The following NAV2 variants were observed in gnomAD, a reference collection of about 807,000 sequenced individuals.
The protein encoded by NAV2 is helicase, APC down-regulated 1.
In NAV2, 54 loss-of-function variants were observed where a neutral mutation model predicts 223.2. The ratio of observed to expected loss-of-function variants is 0.24; its 90% CI spans 0.19 to 0.30. The LOEUF (loss-of-function observed/expected upper bound fraction) is 0.30, where lower values mean the gene tolerates loss of function less well. Ranked by LOEUF, NAV2 falls within the 10% of genes least tolerant of loss-of-function variation. The probability of loss-of-function intolerance (pLI) is 1.00; values close to 1 mark genes in which losing one functional copy is unlikely to be tolerated. For missense variants in NAV2, 2,806 were observed against 3,147.5 expected (o/e 0.89, Z 2.60); for synonymous variants, 1,279 against 1,239.3 (o/e 1.03, Z -0.67).
At chr11:20,017,319 C>G (rs990398710) in intron 11 of NAV2, among the ~76,000 whole-genome samples, 3 of 152,210 alleles carry the variant, frequency 2.0e-5, no homozygotes, top group African/African-American at 7.2e-5. Flanking sequence ...GCCTCTCCCT[C>G]TGGTCTCTGC....
At chr11:19,985,559 G>GT (rs57206192) in intron 11 of NAV2, among the ~76,000 whole-genome samples, 4,776 of 125,544 alleles carry the variant, frequency 0.038, 232 homozygotes, top group African/African-American at 0.11. Context: ...AGTTTTTTTT[G>GT]TTTTTTTGTT....
At chr11:19,644,265 T>C (rs1396534762) in intron 1 of NAV2, among the ~76,000 whole-genome samples, 1 of 152,246 alleles carries the variant, frequency 6.6e-6, no homozygotes, top group African/African-American at 2.4e-5. Flanking sequence ...TCCACTTTGA[T>C]GCCCAACCCC....
At chr11:19,371,307 C>G (rs1848461337) in intron 1 of NAV2, among the ~76,000 whole-genome samples, 1 of 152,134 alleles carries the variant, frequency 6.6e-6, no homozygotes, top group African/African-American at 2.4e-5. Flanking sequence ...AGCCAGCACT[C>G]AAATCCTTAC....
At chr11:19,700,585 C>CAG (rs1392563915) in intron 1 of NAV2, among the ~76,000 whole-genome samples, 1 of 152,206 alleles carries the variant, frequency 6.6e-6, no homozygotes, top group East Asian at 1.9e-4. Context: ...TTACTCTACA[C>CAG]AGAGAAGTGT....
At chr11:19,590,078 A>G (rs2046015257) in intron 1 of NAV2, among the ~76,000 whole-genome samples, 1 of 152,174 alleles carries the variant, frequency 6.6e-6, no homozygotes, top group Non-Finnish European at 1.5e-5. Flanking sequence ...GTGATCTGCG[A>G]GCATTGGTCA....
chr11:20,044,422 T>A, intron 13 of NAV2, 150 bp downstream of exon 13: 3 of 709,338 alleles, frequency 4.2e-6, no homozygotes, highest in Non-Finnish European at 6.8e-6. Context: ...CATCCCTACC[T>A]TTTTCTAAGT....
At chr11:19,632,486 C>G (rs1044579622) in intron 1 of NAV2, among the ~76,000 whole-genome samples, 1 of 152,092 alleles carries the variant, frequency 6.6e-6, no homozygotes, top group Non-Finnish European at 1.5e-5. Flanking sequence ...GATTATTCAA[C>G]GAGCTTTTAT....
At chr11:19,669,752 T>G (rs1008299387) in intron 1 of NAV2, among the ~76,000 whole-genome samples, 1 of 152,138 alleles carries the variant, frequency 6.6e-6, no homozygotes, top group African/African-American at 2.4e-5. Flanking sequence ...CCTTTCCTCT[T>G]AGTAAATTCC....
rs113677958 is a variant in NAV2, at chr11:19,956,365, T to TACAC, written c.2645+7312_2645+7315dup. Among the ~76,000 whole-genome samples, 261 of 103,866 alleles carry TACAC rather than the reference T, an allele frequency of 2.5e-3. 7 individuals are homozygous for TACAC. In the South Asian group the frequency reaches 0.04, roughly 16 times the overall value. 68.1% of individuals were successfully genotyped at this position (103,866 alleles called of 152,430 possible). The stretch of plus-strand genomic sequence containing the variant: ...AAGATTACCACACCCCCGACACACA[T>TACAC]ACACACACACACACACACACACACA... On this transcript the variant is annotated intron_variant, in intron 10 of 37. Coordinates refer to ENST00000349880, the MANE Select transcript of NAV2 (RefSeq NM_145117.5).
chr11:20,044,107 CCTT>C lies in NAV2; in HGVS notation c.3037_3039del (p.Ser1013del). 1 of 1,614,200 alleles carries C rather than the reference CCTT, an allele frequency of 6.2e-7. No individual in the cohort carries two copies. Among genetic ancestry groups the C allele is most frequent in the South Asian group, 1.1e-5 (1 of 91,080 alleles). On this transcript the variant is annotated inframe_deletion, in exon 13 of 38. Transcript: ENST00000349880. ...GCCAGGTTCCAAGTGGAGGCGGAATCCTTCTGATGTGTCTGACGAGTCCGACAA... is the reference window on the plus strand; with the variant it reads ...GCCAGGTTCCAAGTGGAGGCGGAATCCTGATGTGTCTGACGAGTCCGACAA...
At chr11:19,974,482 C>G (rs748601664) in intron 10 of NAV2, among the ~76,000 whole-genome samples, 3 of 152,194 alleles carry the variant, frequency 2.0e-5, no homozygotes, top group African/African-American at 4.8e-5. Flanking sequence ...ATGAACCACA[C>G]TAATACAAAA....
chr11:19,546,818 A>G (rs550306379), intron 1 of NAV2, among the ~76,000 whole-genome samples: 5 of 152,286 alleles, frequency 3.3e-5, no homozygotes, highest in Admixed American at 3.3e-4. Context: ...CATTCCTAAT[A>G]CACAGCACTT....
At chr11:19,646,344 G>A (rs1327835321) in intron 1 of NAV2, among the ~76,000 whole-genome samples, 2 of 152,222 alleles carry the variant, frequency 1.3e-5, no homozygotes, top group Admixed American at 6.5e-5. Context: ...ATGGAGGTGT[G>A]GGATGGGAGC....
At chr11:19,444,612 G>A (rs2133731046) in intron 1 of NAV2, among the ~76,000 whole-genome samples, 1 of 152,006 alleles carries the variant, frequency 6.6e-6, no homozygotes, top group Non-Finnish European at 1.5e-5. Flanking sequence ...GTATGAACAA[G>A]GAATGAGTTC....
intron 1 of NAV2, among the ~76,000 whole-genome samples, chr11:19,483,478 T>G (rs36024222): frequency 5.7e-4 from 87 of 152,298 alleles, no homozygotes; most frequent in Non-Finnish European, 9.3e-4. Context: ...TGCTGGAAAT[T>G]TCGTTGTGCC....
intron 1 of NAV2, among the ~76,000 whole-genome samples, chr11:19,593,863 T>A (rs1000436949): frequency 2.0e-5 from 3 of 152,200 alleles, no homozygotes; most frequent in Non-Finnish European, 4.4e-5. Context: ...TCTCTACATG[T>A]CATTTACCCA....
At chr11:19,503,610 T>C (rs2043027336) in intron 1 of NAV2, 1 of 152,206 alleles carries the variant, frequency 6.6e-6, no homozygotes, top group African/African-American at 2.4e-5. Flanking sequence ...GTTTCCTCCA[T>C]GTTTTTCATG....
chr11:19,813,644 T>C (rs1287748333), intron 1 of NAV2, among the ~76,000 whole-genome samples: 1 of 152,204 alleles, frequency 6.6e-6, no homozygotes. Flanking sequence ...TAAGAAAATC[T>C]GACCACAGCG....
At chr11:19,386,716 A>G (rs1362733803) in intron 1 of NAV2, among the ~76,000 whole-genome samples, 2 of 152,204 alleles carry the variant, frequency 1.3e-5, no homozygotes, top group African/African-American at 2.4e-5. Flanking sequence ...TGGCATAACT[A>G]AAGTGAGTTT....
Sources: allele counts gnomAD v4.1 joint callset (sites outside exome capture counted in the v4.1 genomes callset), GRCh38; gene constraint gnomAD v4.1.1; transcripts MANE v1.5; gene names NCBI Gene and HGNC (gene_info 2026-07-23, HGNC 2026-07-21).